The following KCNMA1 variants were observed in gnomAD, a reference collection of about 807,000 sequenced individuals.
The protein encoded by KCNMA1 is potassium calcium-activated channel subfamily M alpha 1, also known as Calcium-activated potassium channel subunit alpha-1.
KCNMA1 carries 29 observed loss-of-function variants against 140.0 expected under a neutral mutation model. That is an observed-to-expected ratio of 0.21 (90% CI 0.15 to 0.28). The LOEUF is 0.28. Among genes scored for constraint, KCNMA1 ranks in the 10% least tolerant of loss-of-function variants. The probability of loss-of-function intolerance (pLI) is 1.00; values close to 1 mark genes in which losing one functional copy is unlikely to be tolerated. For missense variants in KCNMA1, 880 were observed against 1,602.2 expected (o/e 0.55, Z 7.70); for synonymous variants, 612 against 611.9 (o/e 1.00, Z 0.00).
intron 22 of KCNMA1, among the ~76,000 whole-genome samples, chr10:76,946,999 C>T (rs1255328349): frequency 1.3e-5 from 2 of 152,160 alleles, no homozygotes; most frequent in East Asian, 1.9e-4. Flanking sequence ...GCAAAGATGA[C>T]AGCTCATTCA....
intron 1 of KCNMA1, among the ~76,000 whole-genome samples, chr10:77,436,903 G>C (rs1236657027): frequency 4.0e-5 from 6 of 151,846 alleles, no homozygotes; most frequent in African/African-American, 7.3e-5. Context: ...TGCCAGGCTA[G>C]CAAGGGAGGG....
intron 1 of KCNMA1, among the ~76,000 whole-genome samples, chr10:77,618,145 G>C (rs1474700872): frequency 1.3e-5 from 2 of 152,174 alleles, no homozygotes; most frequent in Non-Finnish European, 2.9e-5. Flanking sequence ...GGGGCCCCTA[G>C]AAGATTTCAG....
At chr10:77,132,955 A>C (rs962891257) in intron 5 of KCNMA1, among the ~76,000 whole-genome samples, 4 of 152,200 alleles carry the variant, frequency 2.6e-5, no homozygotes, top group African/African-American at 9.6e-5. Flanking sequence ...ACAATGATCC[A>C]AAATTAAAAT....
chr10:77,029,010 C>T (rs1362276808), intron 15 of KCNMA1, among the ~76,000 whole-genome samples: 25 of 152,038 alleles, frequency 1.6e-4, no homozygotes, highest in Admixed American at 1.5e-3. Flanking sequence ...TTCTAAATGG[C>T]TTTTCAAAGA....
At chr10:77,375,681 G>T (rs2095050899) in intron 2 of KCNMA1, among the ~76,000 whole-genome samples, 1 of 152,220 alleles carries the variant, frequency 6.6e-6, no homozygotes. Flanking sequence ...AGGACTTGCT[G>T]CTCAGCTCGT....
intron 5 of KCNMA1, among the ~76,000 whole-genome samples, chr10:77,141,533 G>C (rs1020612716): frequency 1.3e-5 from 2 of 152,200 alleles, no homozygotes; most frequent in Non-Finnish European, 2.9e-5. Context: ...GCCAGAAAGA[G>C]AGCCCTCACC....
chr10:77,449,024 T>G lies in KCNMA1; in HGVS notation c.379-45001A>C, dbSNP rs191429215. On this transcript the variant is annotated intron_variant, in intron 1 of 27. Transcript: ENST00000286628. ...ATCGCTTGAATCCAGGAGGTGGAGG[T>G]TGCAGTGAGCCGAGATCGCATCACT... 4.9e-3 allele frequency among the ~76,000 whole-genome samples: 739 copies of G among 151,182 alleles called. 3 individuals are homozygous for G. The highest frequency in any genetic ancestry group is 0.016 in the African/African-American group (675 of 41,172).
intron 23 of KCNMA1, among the ~76,000 whole-genome samples, chr10:76,921,146 G>A (rs2055607770): frequency 6.6e-6 from 1 of 152,090 alleles, no homozygotes; most frequent in South Asian, 2.1e-4. Flanking sequence ...CAAATGGTGG[G>A]CCAAATTATC....
chr10:77,065,895 A>G (rs2095920157), intron 14 of KCNMA1, among the ~76,000 whole-genome samples: 1 of 152,196 alleles, frequency 6.6e-6, no homozygotes, highest in Non-Finnish European at 1.5e-5. Flanking sequence ...GACAGAGGGG[A>G]GCCAAGCAGC....
At chr10:77,183,980 T>G (rs543340537) in intron 4 of KCNMA1, among the ~76,000 whole-genome samples, 1 of 152,180 alleles carries the variant, frequency 6.6e-6, no homozygotes, top group African/African-American at 2.4e-5. Context: ...CCCAACAGCT[T>G]CATAGGGAAG....
chr10:76,989,167 G>T (rs904877366), intron 19 of KCNMA1, among the ~76,000 whole-genome samples: 1 of 152,122 alleles, frequency 6.6e-6, no homozygotes, highest in African/African-American at 2.4e-5. Flanking sequence ...GGGTTAGGGA[G>T]AGGGCCTTTT....
At chr10:77,604,914 G>A (rs1355185684) in intron 1 of KCNMA1, among the ~76,000 whole-genome samples, 1 of 149,326 alleles carries the variant, frequency 6.7e-6, no homozygotes, top group African/African-American at 2.5e-5. Flanking sequence ...CAGGCAGCTT[G>A]GGCCACCCAC....
chr10:77,412,544 G>T (rs1603501163), intron 1 of KCNMA1, among the ~76,000 whole-genome samples: 1 of 152,158 alleles, frequency 6.6e-6, no homozygotes, highest in African/African-American at 2.4e-5. Flanking sequence ...TGTGTGCCCT[G>T]GGCCAGTCAC....
At chr10:77,197,051 G>C (rs999945184) in intron 3 of KCNMA1, among the ~76,000 whole-genome samples, 1 of 152,088 alleles carries the variant, frequency 6.6e-6, no homozygotes, top group Non-Finnish European at 1.5e-5. Context: ...ATTTCAAGGA[G>C]AGAAAATGAT....
At chr10:77,541,232 T>C (rs2060119738) in intron 1 of KCNMA1, among the ~76,000 whole-genome samples, 1 of 152,102 alleles carries the variant, frequency 6.6e-6, no homozygotes, top group Non-Finnish European at 1.5e-5. Flanking sequence ...AGACAGAGAT[T>C]ATCAAACCAG....
chr10:77,261,246 A>G (rs1381362339), intron 2 of KCNMA1, among the ~76,000 whole-genome samples: 1 of 152,194 alleles, frequency 6.6e-6, no homozygotes, highest in Non-Finnish European at 1.5e-5. Context: ...CAGTATATAG[A>G]CAAAGTTAAC....
intron 14 of KCNMA1, chr10:77,071,511 A>T (rs1013160522): frequency 6.6e-6 from 1 of 152,194 alleles, no homozygotes; most frequent in Non-Finnish European, 1.5e-5. Flanking sequence ...CATGTTGAAC[A>T]TAAGATCCCT....
At chr10:77,527,714 A>G (rs2056302815) in intron 1 of KCNMA1, among the ~76,000 whole-genome samples, 1 of 152,226 alleles carries the variant, frequency 6.6e-6, no homozygotes, top group African/African-American at 2.4e-5. Context: ...AGAGAGCGAG[A>G]GAGAGGTGAG....
chr10:77,036,835 G>C lies in KCNMA1; in HGVS notation c.1859+2693C>G, dbSNP rs144260468. ...AGTTATGGCTTTTCTTTAATTTAAA[G>C]TAGAAAACACAGATAATTAAGCCTC... On this transcript the variant is annotated intron_variant, in intron 15 of 27. Coordinates refer to ENST00000286628, the MANE Select transcript of KCNMA1 (RefSeq NM_001161352.2). Among the ~76,000 whole-genome samples, 595 of 152,240 alleles carry C rather than the reference G, an allele frequency of 3.9e-3. 5 individuals are homozygous for C. Among genetic ancestry groups the C allele is most frequent in the African/African-American group, 0.014 (570 of 41,556 alleles).
Sources: allele counts gnomAD v4.1 joint callset (sites outside exome capture counted in the v4.1 genomes callset), GRCh38; gene constraint gnomAD v4.1.1; transcripts MANE v1.5; gene names NCBI Gene and HGNC (gene_info 2026-07-23, HGNC 2026-07-21).